The following PDS5A variants were observed in gnomAD, a reference collection of about 807,000 sequenced individuals.
PDS5A encodes PDS5 cohesin associated factor A.
A neutral mutation model predicts 167.1 loss-of-function variants in PDS5A; 42 were observed. The observed-to-expected ratio is 0.25, with a 90% CI of 0.20 to 0.33. The LOEUF (loss-of-function observed/expected upper bound fraction) is 0.33, where lower values mean the gene tolerates loss of function less well. PDS5A is among the 10% of genes least tolerant of loss of function. The probability of loss-of-function intolerance (pLI) is 1.00; values close to 1 mark genes in which losing one functional copy is unlikely to be tolerated. For missense variants in PDS5A, 1,033 were observed against 1,605.9 expected, an observed-to-expected ratio of 0.64 and a Z score of 6.10; for synonymous variants, 553 against 554.6, an observed-to-expected ratio of 1.00 and a Z score of 0.04.
intron 2 of PDS5A, among the ~76,000 whole-genome samples, chr4:39,953,111 C>G (rs1728568465): frequency 6.6e-6 from 1 of 152,144 alleles, no homozygotes; most frequent in South Asian, 2.1e-4. Flanking sequence ...ATTTTTTCCT[C>G]CATCCTTAAA....
intron 12 of PDS5A, among the ~76,000 whole-genome samples, chr4:39,902,802 G>A (rs908182440): frequency 6.6e-6 from 1 of 152,016 alleles, no homozygotes; most frequent in Non-Finnish European, 1.5e-5. Flanking sequence ...GGATTACGAC[G>A]GGCATGAGGC....
rs891984416 is a variant in PDS5A, at chr4:39,840,938, T to C, written c.3657+1010A>G. On this transcript the variant is annotated intron_variant, in intron 31 of 32. Transcript: ENST00000303538. The stretch of plus-strand genomic sequence containing the variant: ...CCTGGCTAATATTTTGTATTTTTAG[T>C]AGAGACGGGGTTTCACCATGTTGGC... Among the ~76,000 whole-genome samples, 3 of 152,090 alleles carry C rather than the reference T, an allele frequency of 2.0e-5. No homozygotes were observed. The East Asian group carries it at 5.8e-4, about 30-fold the overall frequency.
intron 2 of PDS5A, chr4:39,976,168 T>G: frequency 4.1e-6 from 1 of 245,190 alleles, no homozygotes; most frequent in Non-Finnish European, 7.9e-6. Flanking sequence ...AGTATTCTCA[T>G]TAAATACCTC....
At chr4:39,875,535 T>C (rs1055353138) in intron 19 of PDS5A, among the ~76,000 whole-genome samples, 114 of 152,310 alleles carry the variant, frequency 7.5e-4, no homozygotes, top group African/African-American at 2.7e-3. Flanking sequence ...CTTATGATAA[T>C]GGAAGGCTAC....
At chr4:39,858,491 A>G (rs552017435) in intron 26 of PDS5A, among the ~76,000 whole-genome samples, 1 of 152,352 alleles carries the variant, frequency 6.6e-6, no homozygotes, top group Admixed American at 6.5e-5. Context: ...ATGGTACTGG[A>G]AAAACTGGAT....
intron 31 of PDS5A, among the ~76,000 whole-genome samples, chr4:39,839,899 GC>G (rs1162905225): frequency 2.0e-5 from 3 of 151,890 alleles, no homozygotes; most frequent in African/African-American, 4.8e-5. Flanking sequence ...TTCAAGACCA[GC>G]CTGGCCAACA....
intron 5 of PDS5A, among the ~76,000 whole-genome samples, chr4:39,924,036 TA>T (rs1228866411): frequency 6.6e-6 from 1 of 152,124 alleles, no homozygotes; most frequent in African/African-American, 2.4e-5. Flanking sequence ...CAATAAAGCA[TA>T]AAATATAAGG....
chr4:39,953,285 C>G (rs984286236), intron 2 of PDS5A, among the ~76,000 whole-genome samples: 2 of 152,090 alleles, frequency 1.3e-5, no homozygotes, highest in Non-Finnish European at 2.9e-5. Flanking sequence ...ACAGTTTCAC[C>G]GTGGCTGGGG....
rs543696454 is a variant in PDS5A, at chr4:39,896,031, T to G, written c.1770+2358A>C. Among the ~76,000 whole-genome samples, 4 of 150,204 alleles carry G rather than the reference T, an allele frequency of 2.7e-5. No homozygotes were observed. In the East Asian group the frequency reaches 7.8e-4, roughly 29 times the overall value. On this transcript the variant is annotated intron_variant, in intron 16 of 32. Transcript: ENST00000303538. Reference sequence around the variant, plus strand: ...GAGCCACCACACCTGGCCCGGTTTTTTTTTTTTTTAGCTTTTAAAAAAATT... The same window carrying G: ...GAGCCACCACACCTGGCCCGGTTTTGTTTTTTTTTAGCTTTTAAAAAAATT...
chr4:39,951,214 T>G (rs1728319897), intron 2 of PDS5A, among the ~76,000 whole-genome samples: 1 of 152,164 alleles, frequency 6.6e-6, no homozygotes, highest in Non-Finnish European at 1.5e-5. Context: ...TCTTAATGGA[T>G]AGGTAATCTG....
intron 2 of PDS5A, among the ~76,000 whole-genome samples, chr4:39,957,261 C>T (rs1460116535): frequency 6.6e-6 from 1 of 151,864 alleles, no homozygotes; most frequent in East Asian, 1.9e-4. Flanking sequence ...TTAGGGCCAG[C>T]GTGGGGGCTC....
chr4:39,955,397 T>C (rs1023240364), intron 2 of PDS5A, among the ~76,000 whole-genome samples: 2 of 151,516 alleles, frequency 1.3e-5, no homozygotes, highest in Non-Finnish European at 2.9e-5. Flanking sequence ...AAATCAGGAG[T>C]TCGAGACCAG....
intron 17 of PDS5A, among the ~76,000 whole-genome samples, chr4:39,881,910 T>C (rs1720965071): frequency 2.0e-5 from 3 of 152,320 alleles, no homozygotes; most frequent in Admixed American, 2.0e-4. Flanking sequence ...CATATTGTTC[T>C]TGTGGTACTG....
intron 2 of PDS5A, among the ~76,000 whole-genome samples, chr4:39,967,335 C>A (rs949510345): frequency 1.3e-5 from 2 of 151,082 alleles, no homozygotes; most frequent in African/African-American, 4.9e-5. Flanking sequence ...AAATTTCACT[C>A]TATCCATCCC....
intron 17 of PDS5A, among the ~76,000 whole-genome samples, chr4:39,886,767 T>C (rs1468598153): frequency 6.6e-6 from 1 of 152,152 alleles, no homozygotes; most frequent in Non-Finnish European, 1.5e-5. Context: ...TGGAATATCT[T>C]TCCATTTTTT....
intron 32 of PDS5A, among the ~76,000 whole-genome samples, chr4:39,833,794 T>C (rs1237387729): frequency 1.3e-5 from 2 of 152,154 alleles, no homozygotes; most frequent in Admixed American, 6.5e-5. Context: ...TCAAGAGGAC[T>C]GACAAGAGCA....
At chr4:39,918,554 T>G (rs1724623549) in intron 7 of PDS5A, among the ~76,000 whole-genome samples, 1 of 152,144 alleles carries the variant, frequency 6.6e-6, no homozygotes, top group Non-Finnish European at 1.5e-5. Flanking sequence ...TGAATTAAGT[T>G]AGAAAATATT....
chr4:39,869,510 T>C, intron 21 of PDS5A, 48 bp from the exon 22 acceptor site: 1 of 1,152,780 alleles, frequency 8.7e-7, no homozygotes, highest in Admixed American at 1.8e-5. Flanking sequence ...AAAAAAAATT[T>C]ATGTTTTTGC....
At chr4:39,946,557 GA>G (rs907870112) in intron 2 of PDS5A, among the ~76,000 whole-genome samples, 1 of 151,872 alleles carries the variant, frequency 6.6e-6, no homozygotes, top group Non-Finnish European at 1.5e-5. Flanking sequence ...GACTGACCAA[GA>G]AAAAAAGACC....
Sources: gnomAD v4.1 joint callset for allele counts (sites outside exome capture counted in the v4.1 genomes callset) on GRCh38, gnomAD v4.1.1 for gene constraint, MANE v1.5 for transcripts, NCBI Gene and HGNC (gene_info 2026-07-23, HGNC 2026-07-21) for gene names.